Variants in RAP1GAP2 observed in about 807,000 individuals in gnomAD.
RAP1GAP2 encodes the protein rap1 GTPase-activating protein 2.
RAP1GAP2 carries 27 observed loss-of-function variants against 95.0 expected under a neutral mutation model. That is an observed-to-expected ratio of 0.28 (90% confidence interval 0.21 to 0.39). The LOEUF (loss-of-function observed/expected upper bound fraction) is 0.39, where lower values mean the gene tolerates loss of function less well. Ranked by LOEUF, RAP1GAP2 falls within the 10% of genes least tolerant of loss-of-function variation. The pLI, the probability that RAP1GAP2 is intolerant of heterozygous loss-of-function variation, is 1.00. For missense variants in RAP1GAP2, 771 were observed against 970.0 expected, an observed-to-expected ratio of 0.79 and a Z score of 2.72; for synonymous variants, 373 against 380.9, an observed-to-expected ratio of 0.98 and a Z score of 0.24.
chr17:2,885,187 C>G (rs1316836004), intron 2 of RAP1GAP2, among the ~76,000 whole-genome samples: 1 of 152,098 alleles, frequency 6.6e-6, no homozygotes, highest in Non-Finnish European at 1.5e-5. Flanking sequence ...CACCCGCCAC[C>G]ACGCCTGACT....
chr17:2,897,741 G>A (rs1218927273), intron 2 of RAP1GAP2, among the ~76,000 whole-genome samples: 1 of 152,068 alleles, frequency 6.6e-6, no homozygotes. Flanking sequence ...GAGAAGAGAA[G>A]AGAGGCTCAC....
At chr17:2,977,255 A>G (rs9905143) in intron 8 of RAP1GAP2, among the ~76,000 whole-genome samples, 52,367 of 152,058 alleles carry the variant, frequency 0.34, 9,494 homozygotes, top group Admixed American at 0.4. Context: ...AATGTGCTTA[A>G]TGAATGCTTT....
chr17:2,971,957 T>C (rs1597764803), intron 8 of RAP1GAP2, among the ~76,000 whole-genome samples: 2 of 152,192 alleles, frequency 1.3e-5, no homozygotes, highest in East Asian at 3.8e-4. Flanking sequence ...AATAAGAATA[T>C]ACAAAATTAG....
intron 2 of RAP1GAP2, among the ~76,000 whole-genome samples, chr17:2,878,641 G>A (rs929257432): frequency 1.2e-4 from 18 of 152,196 alleles, no homozygotes; most frequent in African/African-American, 4.1e-4. Context: ...CCTAACTAAG[G>A]AAGGGAGCAG....
At chr17:2,856,244 T>C (rs1466098832) in intron 2 of RAP1GAP2, among the ~76,000 whole-genome samples, 1 of 152,080 alleles carries the variant, frequency 6.6e-6, no homozygotes, top group African/African-American at 2.4e-5. Flanking sequence ...AATTCCTGAT[T>C]CTGAGTATAG....
At chr17:2,755,679 C>G, upstream of RAP1GAP2, 1 of 292,080 alleles carries the variant, frequency 3.4e-6, no homozygotes, top group East Asian at 5.6e-5. Flanking sequence ...CCTCCTCCAC[C>G]GTGCGGCCCG....
chr17:2,795,680 G>A (rs1235195510), upstream of RAP1GAP2, among the ~76,000 whole-genome samples: 1 of 152,238 alleles, frequency 6.6e-6, no homozygotes, highest in African/African-American at 2.4e-5. Flanking sequence ...GTCTGAGTAT[G>A]TGGATGAGTG....
chr17:2,896,278 C>T (rs184914545), intron 2 of RAP1GAP2, among the ~76,000 whole-genome samples: 33 of 152,250 alleles, frequency 2.2e-4, no homozygotes, highest in Non-Finnish European at 3.7e-4. Context: ...ATCACACAGA[C>T]GTCGCCTCCC....
intron 23 of RAP1GAP2, among the ~76,000 whole-genome samples, 173 bp from the exon 24 acceptor site, chr17:3,032,238 C>T (rs2047343004): frequency 6.6e-6 from 1 of 151,964 alleles, no homozygotes; most frequent in Non-Finnish European, 1.5e-5. Context: ...CTGAGCTCGC[C>T]AGACTATCGA....
chr17:2,957,723 TC>T, intron 3 of RAP1GAP2, 35 bp from the exon 4 acceptor site: 1 of 1,601,940 alleles, frequency 6.2e-7, no homozygotes, highest in Non-Finnish European at 8.5e-7. Flanking sequence ...TCCCGGCTGA[TC>T]CCTGTCTTTC....
chr17:2,956,053 C>T (rs528914752), intron 3 of RAP1GAP2, among the ~76,000 whole-genome samples: 1 of 152,302 alleles, frequency 6.6e-6, no homozygotes, highest in East Asian at 1.9e-4. Context: ...GCATTATCCT[C>T]CTCCTGTTCA....
rs576102193 is a variant in RAP1GAP2, at chr17:2,902,830, C to G, written c.81-2454C>G. On this transcript the variant is annotated intron_variant, in intron 2 of 24. Coordinates refer to ENST00000254695, the MANE Select transcript of RAP1GAP2 (RefSeq NM_015085.5). This position sits in a 1 kb window ranked among gnomAD's most constrained non-coding sequence, Gnocchi z 4.1. The stretch of plus-strand genomic sequence containing the variant: ...GAAAAGGCAGGGGAGAGGGGCTCAG[C>G]TCAGGGAGTGTTGGATGCTGCGCCC... Among the ~76,000 whole-genome samples the G allele has an allele frequency of 6.6e-6, 1 of 152,280 alleles. No homozygotes were observed. Among genetic ancestry groups the G allele is most frequent in the South Asian group, 2.1e-4 (1 of 4,824 alleles).
intron 1 of RAP1GAP2, among the ~76,000 whole-genome samples, chr17:2,789,784 A>AAG (rs1418593761): frequency 1.3e-5 from 2 of 149,006 alleles, no homozygotes; most frequent in African/African-American, 2.4e-5. Context: ...TCCATCTGAA[A>AAG]AAAAAAAAAA....
At chr17:2,794,602 G>C (rs937132944), upstream of RAP1GAP2, among the ~76,000 whole-genome samples, 3 of 152,244 alleles carry the variant, frequency 2.0e-5, no homozygotes, top group Non-Finnish European at 2.9e-5. Context: ...TGGAGGTAGA[G>C]AGTCAGCCCC....
chr17:2,980,363 A>G lies in RAP1GAP2; in HGVS notation c.673A>G (p.Lys225Glu). Residue 225 changes from lysine (K) to glutamate (E), a missense_variant and splice_region_variant, in exon 9 of 25, where the codon AAG becomes GAG. Lys to Glu is a moderately conservative substitution (Grantham distance 56). Coordinates refer to ENST00000254695, the MANE Select transcript of RAP1GAP2 (RefSeq NM_015085.5). ...GCTTCCCAGTGTCCCTCAGATTGCA[A>G]AGGTGAGAAACCAACCCGTGAGAGA... ...SKLPSVPQIA[K>E]AFCDDAVGLR... 6 of 1,613,880 alleles carry G rather than the reference A, an allele frequency of 3.7e-6. No individual in the cohort carries two copies. Among genetic ancestry groups the G allele is most frequent in the Non-Finnish European group, 5.1e-6 (6 of 1,179,842 alleles).
At chr17:3,022,086 T>A (rs1230369214) in intron 19 of RAP1GAP2, among the ~76,000 whole-genome samples, 2 of 152,246 alleles carry the variant, frequency 1.3e-5, no homozygotes, top group African/African-American at 2.4e-5. Flanking sequence ...GTAGTGGCTA[T>A]GCTAATTTAC....
chr17:2,917,524 G>A (rs1203070748), intron 3 of RAP1GAP2, among the ~76,000 whole-genome samples: 1 of 151,392 alleles, frequency 6.6e-6, no homozygotes, highest in Non-Finnish European at 1.5e-5. Context: ...CCCGCCTTGG[G>A]CTCCCAAAGT....
intron 14 of RAP1GAP2, among the ~76,000 whole-genome samples, chr17:3,002,439 C>G (rs1011414223): frequency 1.3e-5 from 2 of 152,180 alleles, no homozygotes; most frequent in African/African-American, 4.8e-5. Flanking sequence ...GGAGGGGGAC[C>G]AGCCTTCCAA....
intron 2 of RAP1GAP2, among the ~76,000 whole-genome samples, chr17:2,901,340 C>T (rs1043772910): frequency 1.5e-4 from 23 of 152,200 alleles, no homozygotes; most frequent in Non-Finnish European, 3.1e-4. Flanking sequence ...ATGTAATCTT[C>T]CTCTTCTCTT....
Sources: allele counts gnomAD v4.1 joint callset (sites outside exome capture counted in the v4.1 genomes callset), GRCh38; gene constraint gnomAD v4.1.1; non-coding constraint Gnocchi (gnomAD v3.1); transcripts MANE v1.5; gene names NCBI Gene and HGNC (gene_info 2026-07-23, HGNC 2026-07-21).